The following GRIP1 variants were observed in gnomAD, a reference collection of about 807,000 sequenced individuals.
The protein encoded by GRIP1 is glutamate receptor interacting protein 1.
A neutral mutation model predicts 129.9 loss-of-function variants in GRIP1; 45 were observed. The observed-to-expected ratio is 0.35, with a 90% CI of 0.27 to 0.44. The LOEUF (loss-of-function observed/expected upper bound fraction) is 0.44, where lower values mean the gene tolerates loss of function less well. GRIP1 is among the 20% of genes least tolerant of loss of function. The pLI, the probability that GRIP1 is intolerant of heterozygous loss-of-function variation, is 1.00. For missense variants in GRIP1, 1,196 were observed against 1,396.8 expected (o/e 0.86, Z 2.29); for synonymous variants, 530 against 520.8 (o/e 1.02, Z -0.24).
chr12:66,782,312 T>A (rs1182678668), intron 1 of GRIP1, among the ~76,000 whole-genome samples: 1 of 152,138 alleles, frequency 6.6e-6, no homozygotes, highest in African/African-American at 2.4e-5. Flanking sequence ...CAGAAAGCTA[T>A]CTTAAAGAAA....
At chr12:66,982,012 G>A (rs2042248023) in intron 1 of GRIP1, among the ~76,000 whole-genome samples, 1 of 152,174 alleles carries the variant, frequency 6.6e-6, no homozygotes, top group Admixed American at 6.5e-5. Context: ...CCACTACATA[G>A]TAATGGGAGA....
intron 1 of GRIP1, among the ~76,000 whole-genome samples, chr12:66,927,705 C>T (rs1311064492): frequency 1.3e-5 from 2 of 152,164 alleles, no homozygotes; most frequent in Non-Finnish European, 2.9e-5. Flanking sequence ...CGTATCCACC[C>T]TCCCTCTTCC....
At chr12:66,578,554 A>G (rs2870858) in intron 2 of GRIP1, among the ~76,000 whole-genome samples, 131,821 of 150,682 alleles carry the variant, frequency 0.87, 57,780 homozygotes, top group East Asian at 0.96. Flanking sequence ...ACTCCCACCC[A>G]AATACTGCGC....
chr12:66,955,544 G>C (rs1389521584), intron 1 of GRIP1, among the ~76,000 whole-genome samples: 4 of 105,408 alleles, frequency 3.8e-5, no homozygotes, highest in African/African-American at 1.5e-4. Flanking sequence ...TCTCACTCTT[G>C]TCGCCCAGGC....
intron 4 of GRIP1, among the ~76,000 whole-genome samples, chr12:66,538,419 C>T (rs1490187398): frequency 6.6e-6 from 1 of 151,752 alleles, no homozygotes; most frequent in Non-Finnish European, 1.5e-5. Flanking sequence ...TGGTCTTCAA[C>T]TCCTGGCTTC....
intron 2 of GRIP1, chr12:66,563,838 C>T (rs2062630576): frequency 6.6e-6 from 1 of 152,096 alleles, no homozygotes; most frequent in South Asian, 2.1e-4. Flanking sequence ...AGTCTCATAT[C>T]CCTGAGAAAC....
At chr12:67,047,740 G>C (rs2043276953) in intron 1 of GRIP1, among the ~76,000 whole-genome samples, 1 of 152,000 alleles carries the variant, frequency 6.6e-6, no homozygotes. Flanking sequence ...TTCTATCTTT[G>C]TGGAAAAGCT....
intron 11 of GRIP1, among the ~76,000 whole-genome samples, chr12:66,448,939 T>C (rs2058702584): frequency 6.6e-6 from 1 of 152,184 alleles, no homozygotes; most frequent in South Asian, 2.1e-4. Flanking sequence ...ATCAGTTCCT[T>C]TCTCCTGCCC....
chr12:66,586,848 T>C (rs1407928057), intron 2 of GRIP1, among the ~76,000 whole-genome samples: 1 of 152,250 alleles, frequency 6.6e-6, no homozygotes, highest in Non-Finnish European at 1.5e-5. Flanking sequence ...GCCTGCTAAC[T>C]GGTCTTCTTG....
intron 19 of GRIP1, among the ~76,000 whole-genome samples, chr12:66,391,294 G>A (rs1419417446): frequency 9.9e-5 from 15 of 152,228 alleles, no homozygotes; most frequent in Admixed American, 9.8e-4. Flanking sequence ...CATAGAACAT[G>A]AGAGAAGGTA....
At chr12:66,574,790 T>TTTTTTTTTTTTTTTTTTTTTTTTTTTTC (rs55885862) in intron 2 of GRIP1, among the ~76,000 whole-genome samples, 1 of 142,068 alleles carries the variant, frequency 7.0e-6, no homozygotes, top group Non-Finnish European at 1.5e-5. Flanking sequence ...CACTTTTCTT[T>TTTTTTTTTTTTTTTTTTTTTTTTTTTTC]TTTTTTTTTT....
intron 1 of GRIP1, among the ~76,000 whole-genome samples, chr12:66,938,058 G>A (rs1057483589): frequency 1.3e-5 from 2 of 152,100 alleles, no homozygotes; most frequent in East Asian, 3.9e-4. Flanking sequence ...AACACAACCT[G>A]TTAATTTTTA....
At chr12:66,933,719 A>C (rs2041438230) in intron 1 of GRIP1, among the ~76,000 whole-genome samples, 3 of 152,188 alleles carry the variant, frequency 2.0e-5, no homozygotes, top group Non-Finnish European at 4.4e-5. Flanking sequence ...ACCTACATAT[A>C]TAGTACAATA....
intron 1 of GRIP1, among the ~76,000 whole-genome samples, chr12:66,776,343 A>G (rs1446879764): frequency 2.6e-5 from 4 of 152,216 alleles, no homozygotes; most frequent in African/African-American, 7.2e-5. Flanking sequence ...GACTATTTCT[A>G]TCCTGAACAC....
intron 1 of GRIP1, among the ~76,000 whole-genome samples, chr12:66,767,124 AT>A (rs1157997560): frequency 6.6e-6 from 1 of 152,194 alleles, no homozygotes; most frequent in Non-Finnish European, 1.5e-5. Context: ...TACCAACCTA[AT>A]CAGCTTTAAA....
chr12:66,356,501 C>T (rs549760289), intron 23 of GRIP1, among the ~76,000 whole-genome samples: 1 of 152,150 alleles, frequency 6.6e-6, no homozygotes, highest in Non-Finnish European at 1.5e-5. Flanking sequence ...ATTTCTGCTC[C>T]TCTTTCCTAA....
chr12:66,916,595 A>T (rs2041126261), intron 1 of GRIP1, among the ~76,000 whole-genome samples: 1 of 152,210 alleles, frequency 6.6e-6, no homozygotes, highest in Admixed American at 6.5e-5. Context: ...TTATTTTTTT[A>T]AATGCAAAAT....
chr12:66,503,350 C>T (rs1361001189), intron 7 of GRIP1, among the ~76,000 whole-genome samples: 1 of 152,034 alleles, frequency 6.6e-6, no homozygotes, highest in Non-Finnish European at 1.5e-5. Flanking sequence ...CACATGCTCA[C>T]TTCCCAAGCA....
chr12:66,997,348 G>T (rs1425832266), intron 1 of GRIP1, among the ~76,000 whole-genome samples: 4 of 152,066 alleles, frequency 2.6e-5, no homozygotes, highest in Non-Finnish European at 5.9e-5. Context: ...GAAGGTTGAG[G>T]TGAGAGGATC....
Sources: allele counts gnomAD v4.1 joint callset (sites outside exome capture counted in the v4.1 genomes callset), GRCh38; gene constraint gnomAD v4.1.1; transcripts MANE v1.5; gene names NCBI Gene and HGNC (gene_info 2026-07-23, HGNC 2026-07-21).